The following COL4A2 variants were observed in gnomAD, a reference collection of about 807,000 sequenced individuals.
COL4A2 encodes collagen type IV alpha 2 chain.
A neutral mutation model predicts 200.2 loss-of-function variants in COL4A2; 99 were observed. The ratio of observed to expected loss-of-function variants is 0.49; its 90% CI spans 0.42 to 0.58. The LOEUF (loss-of-function observed/expected upper bound fraction) is 0.58, where lower values mean the gene tolerates loss of function less well. Among genes scored for constraint, COL4A2 ranks in the 20% least tolerant of loss-of-function variants. The pLI, the probability that COL4A2 is intolerant of heterozygous loss-of-function variation, is 0.00. For missense variants in COL4A2, 1,950 were observed against 2,314.1 expected (o/e 0.84, Z 3.23); for synonymous variants, 897 against 900.6 (o/e 1.00, Z 0.07).
intron 3 of COL4A2, among the ~76,000 whole-genome samples, chr13:110,342,532 G>A (rs941650180): frequency 6.6e-6 from 1 of 152,152 alleles, no homozygotes; most frequent in African/African-American, 2.4e-5. Flanking sequence ...ATGGATGCTG[G>A]GTACTTCCTG....
At chr13:110,312,783 T>C (rs1885020062) in intron 3 of COL4A2, among the ~76,000 whole-genome samples, 1 of 152,320 alleles carries the variant, frequency 6.6e-6, no homozygotes, top group Middle Eastern at 3.4e-3. Flanking sequence ...AATGACACAA[T>C]AGTCTTGAGA....
At chr13:110,379,991 C>G (rs1408072178) in intron 4 of COL4A2, among the ~76,000 whole-genome samples, 1 of 152,224 alleles carries the variant, frequency 6.6e-6, no homozygotes, top group Non-Finnish European at 1.5e-5. Context: ...TCCCAGTGAG[C>G]CCTCCGCAGG....
chr13:110,457,872 G>T (rs1881836960), intron 21 of COL4A2, among the ~76,000 whole-genome samples: 1 of 152,212 alleles, frequency 6.6e-6, no homozygotes, highest in African/African-American at 2.4e-5. Context: ...CTGAGACTCG[G>T]TAGAGTGACG....
intron 37 of COL4A2, 117 bp from the exon 38 acceptor site, chr13:110,491,953 C>T: frequency 1.3e-6 from 1 of 798,868 alleles, no homozygotes; most frequent in Non-Finnish European, 1.9e-6. Flanking sequence ...CCAACTGGCA[C>T]TGCGGCCCTT....
chr13:110,310,235 T>C (rs1295296393), intron 3 of COL4A2, among the ~76,000 whole-genome samples: 1 of 152,130 alleles, frequency 6.6e-6, no homozygotes, highest in African/African-American at 2.4e-5. Context: ...CAGCAGAGCT[T>C]CTCAAAGTGC....
chr13:110,395,599 C>G (rs1487918823), intron 4 of COL4A2, among the ~76,000 whole-genome samples: 1 of 152,178 alleles, frequency 6.6e-6, no homozygotes, highest in Non-Finnish European at 1.5e-5. Context: ...CATTTTGTTT[C>G]TAATTGAAAA....
intron 28 of COL4A2, among the ~76,000 whole-genome samples, chr13:110,471,635 C>T (rs1446374776): frequency 2.0e-5 from 3 of 152,158 alleles, no homozygotes; most frequent in East Asian, 1.9e-4. Context: ...ACTCTGAGTA[C>T]GGTCTAGCTG....
rs140831471 is a variant in COL4A2, at chr13:110,446,577, C to T, written c.1012-221C>T. Among the ~76,000 whole-genome samples the T allele has an allele frequency of 1.5e-3, 227 of 152,322 alleles. 5 individuals carry two copies. In the East Asian group the frequency reaches 0.037, roughly 25 times the overall value. On this transcript the variant is annotated intron_variant, in intron 17 of 47. Transcript: ENST00000360467. ...CAAAATGAGATGAGCCCCTGCCTGT[C>T]TTGTTCTCTTTGGGCACCTGTGGCT...
intron 4 of COL4A2, among the ~76,000 whole-genome samples, chr13:110,409,249 G>T (rs554397075): frequency 6.6e-6 from 1 of 152,090 alleles, no homozygotes; most frequent in Non-Finnish European, 1.5e-5. Context: ...AGAACATCAC[G>T]GGTGAAGCTT....
At chr13:110,450,101 A>C (rs966705867) in intron 19 of COL4A2, among the ~76,000 whole-genome samples, 13 of 152,176 alleles carry the variant, frequency 8.5e-5, no homozygotes, top group Non-Finnish European at 1.6e-4. Flanking sequence ...CACAACTATC[A>C]AGCCATTATT....
intron 20 of COL4A2, among the ~76,000 whole-genome samples, chr13:110,454,763 G>A (rs1387597898): frequency 6.6e-6 from 1 of 152,116 alleles, no homozygotes; most frequent in East Asian, 1.9e-4. Flanking sequence ...GTGTGTGCTG[G>A]TCACTCGCTC....
chr13:110,482,762 T>A (rs1882978201), intron 32 of COL4A2, 103 bp downstream of exon 32: 1 of 1,254,126 alleles, frequency 8.0e-7, no homozygotes, highest in South Asian at 1.4e-5. Flanking sequence ...TGAAAACCCA[T>A]GCATCCAGGA....
Position 110,307,972 on chromosome 13 carries a change from C to A in COL4A2, c.44+25C>A, listed in dbSNP as rs746438132. 23 of 1,612,078 alleles carry A rather than the reference C, an allele frequency of 1.4e-5. No individual in the cohort carries two copies. The East Asian group carries it at 5.1e-4, about 36-fold the overall frequency. ...GGTAAGCGACTTTCTGCCTGGTCCC[C>A]GTGGGTCACGCGCGCATGGACCCTT... On this transcript the variant is annotated intron_variant, in intron 2 of 47. Transcript: ENST00000360467. This position sits in a 1 kb window ranked among gnomAD's most constrained non-coding sequence, Gnocchi z 5.0.
At chr13:110,477,971 G>A in intron 29 of COL4A2, 32 bp from the exon 30 acceptor site, 3 of 1,515,066 alleles carry the variant, frequency 2.0e-6, no homozygotes, top group Non-Finnish European at 2.7e-6. Context: ...TCCAGAGTTG[G>A]CCCCCACAGC....
intron 4 of COL4A2, among the ~76,000 whole-genome samples, chr13:110,366,488 T>G (rs1877757940): frequency 6.6e-6 from 1 of 152,196 alleles, no homozygotes. Context: ...TAGATTGTTT[T>G]GCAAAGTTTT....
intron 4 of COL4A2, among the ~76,000 whole-genome samples, chr13:110,416,560 C>T (rs1156694699): frequency 2.0e-5 from 3 of 152,194 alleles, no homozygotes; most frequent in African/African-American, 4.8e-5. Context: ...GGCTAAAAGC[C>T]ATTGAGCACA....
rs368216378 is a variant in COL4A2, at chr13:110,357,454, T to C, written c.100-18T>C. Reference sequence around the variant, plus strand: ...ATGTTTAGGTAACTTTTCTTTGCCTTGTGTTTTATTGTTGCAGGGTGTGAA... The same window carrying C: ...ATGTTTAGGTAACTTTTCTTTGCCTCGTGTTTTATTGTTGCAGGGTGTGAA... On this transcript the variant is annotated intron_variant, in intron 3 of 47. Transcript: ENST00000360467. 142 of 1,575,088 alleles carry C rather than the reference T, an allele frequency of 9.0e-5. No homozygotes were observed. Among genetic ancestry groups the C allele is most frequent in the African/African-American group, 1.4e-4 (10 of 73,824 alleles).
At chr13:110,327,330 G>C (rs981746019) in intron 3 of COL4A2, among the ~76,000 whole-genome samples, 1 of 152,138 alleles carries the variant, frequency 6.6e-6, no homozygotes, top group Non-Finnish European at 1.5e-5. Context: ...ACCCCCAAGA[G>C]CTCAGCACAC....
At chr13:110,425,140 C>T in intron 6 of COL4A2, 143 bp downstream of exon 6, 2 of 929,844 alleles carry the variant, frequency 2.2e-6, no homozygotes, top group Non-Finnish European at 3.3e-6. Flanking sequence ...GCGTATTCTC[C>T]CCGCGGAATT....
Sources: gnomAD v4.1 joint callset for allele counts (sites outside exome capture counted in the v4.1 genomes callset) on GRCh38, gnomAD v4.1.1 for gene constraint, Gnocchi (gnomAD v3.1) non-coding constraint, MANE v1.5 for transcripts, NCBI Gene and HGNC (gene_info 2026-07-23, HGNC 2026-07-21) for gene names.